ADAM12: variants seen among roughly 807,000 people sequenced by gnomAD.
The protein encoded by ADAM12 is ADAM metallopeptidase domain 12, also known as disintegrin and metalloproteinase domain-containing protein 12.
In ADAM12, 70 loss-of-function variants were observed where a neutral mutation model predicts 106.4. That is an observed-to-expected ratio of 0.66 (90% CI 0.54 to 0.80). The LOEUF (loss-of-function observed/expected upper bound fraction) is 0.80. Ranked by LOEUF, ADAM12 falls within the 30% of genes least tolerant of loss-of-function variation. The pLI, the probability that ADAM12 is intolerant of heterozygous loss-of-function variation, is 0.00. For missense variants in ADAM12, 1,010 were observed against 1,171.9 expected (o/e 0.86, Z 2.02); for synonymous variants, 420 against 433.5 (o/e 0.97, Z 0.39).
chr10:126,027,365 A>G (rs1450055270), intron 21 of ADAM12, among the ~76,000 whole-genome samples: 2 of 152,242 alleles, frequency 1.3e-5, no homozygotes, highest in East Asian at 3.9e-4. Context: ...ACTCCTCTCT[A>G]ACTCATTCTG....
chr10:126,137,830 G>A (rs1472489322), intron 4 of ADAM12, among the ~76,000 whole-genome samples: 1 of 152,180 alleles, frequency 6.6e-6, no homozygotes. Flanking sequence ...TATGAGTAAC[G>A]TTACTATGAA....
chr10:126,315,334 C>G (rs1016219768), intron 2 of ADAM12, among the ~76,000 whole-genome samples: 1 of 152,186 alleles, frequency 6.6e-6, no homozygotes, highest in African/African-American at 2.4e-5. Context: ...CCTGCCAACT[C>G]TGCTCGCCAG....
intron 4 of ADAM12, among the ~76,000 whole-genome samples, chr10:126,141,489 T>C (rs747642100): frequency 2.0e-5 from 3 of 152,226 alleles, no homozygotes; most frequent in Non-Finnish European, 4.4e-5. Flanking sequence ...CCTCTAACCA[T>C]GTATTTTATA....
intron 1 of ADAM12, among the ~76,000 whole-genome samples, chr10:126,383,841 T>C (rs1335541564): frequency 1.3e-5 from 2 of 152,238 alleles, no homozygotes; most frequent in Non-Finnish European, 2.9e-5. Flanking sequence ...CCTTTGTTTT[T>C]ACTCACAGAA....
At chr10:126,130,051 A>G (rs1956275562) in intron 5 of ADAM12, among the ~76,000 whole-genome samples, 1 of 152,184 alleles carries the variant, frequency 6.6e-6, no homozygotes. Flanking sequence ...GCTGTAATTA[A>G]TGTGTCTTCT....
chr10:126,165,445 C>T (rs901517514), intron 3 of ADAM12, among the ~76,000 whole-genome samples: 3 of 152,354 alleles, frequency 2.0e-5, no homozygotes, highest in East Asian at 1.9e-4. Flanking sequence ...GCGTGAGCCA[C>T]GGTGCCCAGC....
intron 4 of ADAM12, among the ~76,000 whole-genome samples, chr10:126,147,893 T>C (rs1156302499): frequency 6.6e-6 from 1 of 152,256 alleles, no homozygotes; most frequent in Non-Finnish European, 1.5e-5. Context: ...GTGCAGGTTC[T>C]TGGTTGACAA....
At chr10:126,095,567 G>A (rs1228812170) in intron 10 of ADAM12, among the ~76,000 whole-genome samples, 1 of 150,362 alleles carries the variant, frequency 6.7e-6, no homozygotes, top group Non-Finnish European at 1.5e-5. Context: ...AAAGTGATTG[G>A]GTCATGGGGA....
At position 126,330,448 on chromosome 10, in the gene ADAM12, C is replaced by T. The variant is rs1854469570; in HGVS notation, c.150G>A (p.Gly50=). 6.2e-7 allele frequency: 1 copy of T among 1,613,874 alleles called. No homozygotes were observed. The highest frequency in any genetic ancestry group is 8.5e-7 in the Non-Finnish European group (1 of 1,179,988). ...AGCTCTTCACTGGGATCCAGAGGTC[C>T]CCACTCCCAACAGAGGCACTGACAA... ...DEVVSASVGS[G]DLWIPVKSFD... is the part of the protein sequence containing the mutation. Residue 50 remains glycine, a synonymous_variant, in exon 2 of 23, where the codon GGG becomes GGA. Coordinates refer to ENST00000448723, the MANE Select transcript of ADAM12 (RefSeq NM_001288973.2).
intron 21 of ADAM12, among the ~76,000 whole-genome samples, chr10:126,022,013 C>G (rs1953776609): frequency 6.6e-6 from 1 of 152,136 alleles, no homozygotes; most frequent in African/African-American, 2.4e-5. Flanking sequence ...AAATAATTAG[C>G]AATACTAGTT....
At chr10:126,240,250 A>G (rs1958496635) in intron 3 of ADAM12, among the ~76,000 whole-genome samples, 1 of 152,180 alleles carries the variant, frequency 6.6e-6, no homozygotes, top group Non-Finnish European at 1.5e-5. Context: ...AGACAGGCAC[A>G]CCCTTTAAAA....
intron 3 of ADAM12, among the ~76,000 whole-genome samples, chr10:126,161,396 T>C (rs1233131076): frequency 1.3e-5 from 2 of 152,158 alleles, no homozygotes; most frequent in Admixed American, 6.6e-5. Flanking sequence ...CATGACAGTG[T>C]CCGGGTGGTT....
chr10:126,039,276 A>C lies in ADAM12; in HGVS notation c.2240+18T>G. On this transcript the variant is annotated intron_variant, in intron 19 of 22. Coordinates refer to ENST00000448723, the MANE Select transcript of ADAM12 (RefSeq NM_001288973.2). Reference sequence around the variant, plus strand: ...AGCCACCATTTCTAGAACAGATGACAAGCTAAACCCAGGGTACCTTAGTTT... The same window carrying C: ...AGCCACCATTTCTAGAACAGATGACCAGCTAAACCCAGGGTACCTTAGTTT... The C allele has an allele frequency of 6.2e-7, 1 of 1,613,020 alleles. No homozygotes were observed. The highest frequency in any genetic ancestry group is 1.1e-5 in the South Asian group (1 of 91,026).
At chr10:126,090,552 C>T (rs1448867055) in intron 11 of ADAM12, among the ~76,000 whole-genome samples, 1 of 152,186 alleles carries the variant, frequency 6.6e-6, no homozygotes, top group Non-Finnish European at 1.5e-5. Flanking sequence ...CCACATGAAT[C>T]CCCAGATACT....
At chr10:126,204,771 A>G (rs1280008211) in intron 3 of ADAM12, among the ~76,000 whole-genome samples, 1 of 152,210 alleles carries the variant, frequency 6.6e-6, no homozygotes, top group African/African-American at 2.4e-5. Flanking sequence ...TTACGGGCTT[A>G]TCTTACCTAC....
At chr10:126,021,652 C>T (rs4075730) in intron 21 of ADAM12, among the ~76,000 whole-genome samples, 88,112 of 151,390 alleles carry the variant, frequency 0.58, 27,043 homozygotes, top group Non-Finnish European at 0.68. Flanking sequence ...CCCAAGAGCA[C>T]GGATTGTTTA....
At chr10:126,315,495 G>C (rs1215452095) in intron 2 of ADAM12, among the ~76,000 whole-genome samples, 1 of 152,062 alleles carries the variant, frequency 6.6e-6, no homozygotes, top group Non-Finnish European at 1.5e-5. Context: ...CCCTGTCTGG[G>C]CAACTGAAGT....
chr10:126,187,162 G>C (rs1306398443), intron 3 of ADAM12, among the ~76,000 whole-genome samples: 8 of 152,034 alleles, frequency 5.3e-5, no homozygotes, highest in African/African-American at 1.7e-4. Flanking sequence ...TGTATCGTGG[G>C]AATTACTACA....
intron 6 of ADAM12, among the ~76,000 whole-genome samples, chr10:126,114,223 T>C (rs1409601126): frequency 6.6e-6 from 1 of 152,040 alleles, no homozygotes; most frequent in African/African-American, 2.4e-5. Flanking sequence ...AGTAAACAAA[T>C]GAGACATTCT....
Sources: allele counts gnomAD v4.1 joint callset (sites outside exome capture counted in the v4.1 genomes callset), GRCh38; gene constraint gnomAD v4.1.1; transcripts MANE v1.5; gene names NCBI Gene and HGNC (gene_info 2026-07-23, HGNC 2026-07-21).